DLGAP1: variants seen among roughly 807,000 people sequenced by gnomAD.
DLGAP1 encodes the protein DLG associated protein 1.
A neutral mutation model predicts 90.8 loss-of-function variants in DLGAP1; 11 were observed. The ratio of observed to expected loss-of-function variants is 0.12; its 90% confidence interval spans 0.08 to 0.20. The LOEUF is 0.20. DLGAP1 is among the 10% of genes least tolerant of loss of function. DLGAP1 has a pLI of 1.00. For missense variants in DLGAP1, 1,050 were observed against 1,333.8 expected, an observed-to-expected ratio of 0.79 and a Z score of 3.31; for synonymous variants, 558 against 540.7, an observed-to-expected ratio of 1.03 and a Z score of -0.44.
At chr18:3,525,541 A>G (rs1306424713) in intron 10 of DLGAP1, among the ~76,000 whole-genome samples, 3 of 152,118 alleles carry the variant, frequency 2.0e-5, no homozygotes, top group Non-Finnish European at 4.4e-5. Flanking sequence ...CTGGGATTAC[A>G]TGCATGCACC....
At chr18:3,684,902 G>A (rs1003852297) in intron 7 of DLGAP1, among the ~76,000 whole-genome samples, 6 of 152,170 alleles carry the variant, frequency 3.9e-5, no homozygotes, top group Non-Finnish European at 8.8e-5. Flanking sequence ...AGTCAAACAA[G>A]GATTTGCATA....
chr18:3,679,974 C>G (rs985226102), intron 7 of DLGAP1: 2 of 151,992 alleles, frequency 1.3e-5, no homozygotes, highest in Non-Finnish European at 2.9e-5. Flanking sequence ...ACGTGAGCCA[C>G]CATGCCCAGC....
At chr18:4,232,005 A>C (rs2078309703) in intron 1 of DLGAP1, among the ~76,000 whole-genome samples, 1 of 152,184 alleles carries the variant, frequency 6.6e-6, no homozygotes. Flanking sequence ...GTAGAACTGA[A>C]TAAATTGAAT....
intron 4 of DLGAP1, among the ~76,000 whole-genome samples, chr18:3,866,864 T>A (rs1475875685): frequency 6.6e-6 from 1 of 152,170 alleles, no homozygotes; most frequent in Non-Finnish European, 1.5e-5. Context: ...TTATATATAT[T>A]TTTTGAGACA....
At chr18:4,336,960 A>G (rs2081081161) in intron 1 of DLGAP1, among the ~76,000 whole-genome samples, 1 of 150,488 alleles carries the variant, frequency 6.6e-6, no homozygotes, top group South Asian at 2.1e-4. Context: ...AAAAAAAAAA[A>G]AAAATTAGCC....
intron 1 of DLGAP1, among the ~76,000 whole-genome samples, chr18:4,272,480 T>C (rs2079305407): frequency 6.6e-6 from 1 of 152,204 alleles, no homozygotes; most frequent in South Asian, 2.1e-4. Flanking sequence ...ATAGCAGCCA[T>C]GTGATGGCAT....
chr18:3,694,596 T>G (rs1012662183), intron 7 of DLGAP1, among the ~76,000 whole-genome samples: 2 of 152,246 alleles, frequency 1.3e-5, no homozygotes, highest in African/African-American at 4.8e-5. Flanking sequence ...TGAGATGGTA[T>G]CTCATTGTGG....
chr18:3,986,576 A>G (rs1393754531), intron 3 of DLGAP1: 1 of 152,152 alleles, frequency 6.6e-6, no homozygotes, highest in Non-Finnish European at 1.5e-5. Context: ...AAAATGGTCA[A>G]TATCACCATG....
chr18:3,717,609 G>C (rs1204618907), intron 7 of DLGAP1, among the ~76,000 whole-genome samples: 3 of 152,172 alleles, frequency 2.0e-5, no homozygotes, highest in Non-Finnish European at 4.4e-5. Flanking sequence ...CTGAAATGAA[G>C]TGGTTTATTT....
chr18:4,183,738 G>A (rs1181876605), intron 1 of DLGAP1, among the ~76,000 whole-genome samples: 5 of 151,986 alleles, frequency 3.3e-5, no homozygotes, highest in Non-Finnish European at 7.4e-5. Context: ...TCTTTACCTG[G>A]GTTTCATGCA....
chr18:4,212,820 TTTA>T (rs1332994932), intron 1 of DLGAP1, among the ~76,000 whole-genome samples: 1 of 152,076 alleles, frequency 6.6e-6, no homozygotes, highest in Admixed American at 6.6e-5. Context: ...ATAAATCATA[TTTA>T]TTATAATTTA....
chr18:4,083,195 T>C (rs1404209335), intron 2 of DLGAP1, among the ~76,000 whole-genome samples: 3 of 152,350 alleles, frequency 2.0e-5, no homozygotes, highest in South Asian at 4.1e-4. Flanking sequence ...TTGTAAGGAT[T>C]AATGCACTAA....
chr18:3,659,626 T>A (rs530019249), intron 7 of DLGAP1, among the ~76,000 whole-genome samples: 1 of 151,688 alleles, frequency 6.6e-6, no homozygotes, highest in Admixed American at 6.6e-5. Context: ...AGTGCAGTGG[T>A]GCAATCTCGG....
At chr18:4,103,930 C>T (rs2075820063) in intron 2 of DLGAP1, among the ~76,000 whole-genome samples, 1 of 152,046 alleles carries the variant, frequency 6.6e-6, no homozygotes, top group Non-Finnish European at 1.5e-5. Flanking sequence ...TAGAGTCATT[C>T]TTATAATTTT....
intron 4 of DLGAP1, among the ~76,000 whole-genome samples, chr18:3,832,007 C>T (rs1026135341): frequency 1.7e-4 from 26 of 152,298 alleles, no homozygotes; most frequent in African/African-American, 6.3e-4. Flanking sequence ...AGGTTTGGGT[C>T]ACATCTTGTA....
intron 3 of DLGAP1, among the ~76,000 whole-genome samples, chr18:3,900,500 G>A (rs1203826363): frequency 3.3e-5 from 5 of 152,174 alleles, no homozygotes; most frequent in African/African-American, 9.7e-5. Flanking sequence ...TTAACAGTCA[G>A]ACTTGTTTGC....
chr18:4,244,761 A>G (rs2078618993), intron 1 of DLGAP1, among the ~76,000 whole-genome samples: 1 of 152,208 alleles, frequency 6.6e-6, no homozygotes, highest in Non-Finnish European at 1.5e-5. Context: ...GCTAATGGAT[A>G]TAGGATGGAA....
At chr18:4,137,049 C>A (rs922444724) in intron 2 of DLGAP1, among the ~76,000 whole-genome samples, 7 of 152,084 alleles carry the variant, frequency 4.6e-5, no homozygotes, top group South Asian at 4.1e-4. Flanking sequence ...ATCCCTCCCC[C>A]CTTCCCCCAC....
chr18:3,946,628 C>G (rs1310121564), intron 3 of DLGAP1, among the ~76,000 whole-genome samples: 1 of 152,080 alleles, frequency 6.6e-6, no homozygotes, highest in Non-Finnish European at 1.5e-5. Context: ...CAAAAACACT[C>G]TTTAAAGCAA....
Sources: gnomAD v4.1 joint callset for allele counts (sites outside exome capture counted in the v4.1 genomes callset) on GRCh38, gnomAD v4.1.1 for gene constraint, MANE v1.5 for transcripts, NCBI Gene and HGNC (gene_info 2026-07-23, HGNC 2026-07-21) for gene names.